The following ZNF526 variants were observed in gnomAD, a reference collection of about 807,000 sequenced individuals.
ZNF526 encodes the protein zinc finger protein 526.
A neutral mutation model predicts 32.4 loss-of-function variants in ZNF526; 16 were observed. The observed-to-expected ratio is 0.49, with a 90% confidence interval of 0.33 to 0.75. The LOEUF is 0.75. Among genes scored for constraint, ZNF526 ranks in the 30% least tolerant of loss-of-function variants. The probability of loss-of-function intolerance (pLI) is 0.02; values close to 1 mark genes in which losing one functional copy is unlikely to be tolerated. For missense variants in ZNF526, 838 were observed against 920.7 expected (o/e 0.91, Z 1.16); for synonymous variants, 355 against 363.4 (o/e 0.98, Z 0.26).
chr19:42,222,441 A>G (rs2036133796), intron 1 of ZNF526, among the ~76,000 whole-genome samples: 1 of 152,120 alleles, frequency 6.6e-6, no homozygotes, highest in Non-Finnish European at 1.5e-5. Flanking sequence ...GCCCTCTGGC[A>G]CTAATAGATT....
At position 42,225,186 on chromosome 19, in the gene ZNF526, T is replaced by C. The variant is rs2036162533; in HGVS notation, c.783T>C (p.Ala261=). 3.7e-6 allele frequency: 6 copies of C among 1,614,060 alleles called. No individual in the cohort carries two copies. The African/African-American group carries it at 5.3e-5, about 14-fold the overall frequency. ...CCATGGCAGAGGTCGGTGATGATGC[T>C]GTGGGAGGTGACGAGTCCACAGCTG... ...EEAMAEVGDD[A]VGGDESTAGW... The change falls in exon 3 of 3, where the codon GCT becomes GCC. Residue 261 remains alanine, a synonymous_variant. Transcript: ENST00000301215.
chr19:42,225,699 ACCACC>A lies in ZNF526; in HGVS notation c.1297_1301del (p.Pro433ThrfsTer35). The A allele has an allele frequency of 1.4e-6, 1 of 717,496 alleles. No homozygotes were observed. The highest frequency in any genetic ancestry group is 2.0e-6 in the Non-Finnish European group (1 of 497,300). 44.4% of individuals were successfully genotyped at this position (717,496 alleles called of 1,614,324 possible). A position where few individuals can be genotyped will look rare whatever the true frequency, so the allele number is the denominator to read the frequency against. The stretch of plus-strand genomic sequence containing the variant: ...CAGCTCCAGCGGAGCCCACCCCTCC[ACCACC>A]ACCCCCTGCCCCACCTGCCCAGCTG... On this transcript the variant is annotated frameshift_variant, in exon 3 of 3. Coordinates refer to ENST00000301215, the MANE Select transcript of ZNF526 (RefSeq NM_133444.3). LOFTEE classifies it high-confidence loss of function.
In ZNF526 at chr19:42,225,296, C is replaced by G; in HGVS notation, c.893C>G (p.Pro298Arg). 1 of 1,612,440 alleles carries G rather than the reference C, an allele frequency of 6.2e-7. No homozygotes were observed. Among genetic ancestry groups the G allele is most frequent in the Non-Finnish European group, 8.5e-7 (1 of 1,178,992 alleles). The part of the protein sequence containing the change: ...RRQHRRTAHS[P>R]ASATHPFHCS... ...CAACACCGGCGGACGGCTCACAGCC[C>G]GGCATCTGCCACCCACCCCTTCCAC... is the stretch of plus-strand genomic sequence containing the variant. The change falls in exon 3 of 3, where the codon CCG (proline) becomes CGG (arginine). Residue 298 changes from proline to arginine, a missense_variant. Coordinates refer to ENST00000301215, the MANE Select transcript of ZNF526 (RefSeq NM_133444.3).
rs1038667498 is a variant in ZNF526, at chr19:42,226,501, C to G, written c.*85C>G. 1.3e-6 allele frequency: 2 copies of G among 1,587,814 alleles called. No individual in the cohort carries two copies. The highest frequency in any genetic ancestry group is 1.7e-5 in the Admixed American group (1 of 59,682). ...GGGAGAGAGGACCTCCTCTGACAAACTGGTCTGGTACCCACCATGTGCCAG... is the reference window on the plus strand; with the variant it reads ...GGGAGAGAGGACCTCCTCTGACAAAGTGGTCTGGTACCCACCATGTGCCAG... On this transcript the variant is annotated 3_prime_UTR_variant, in exon 3 of 3. Transcript: ENST00000301215.
chr19:42,225,441 G>A lies in ZNF526; in HGVS notation c.1038G>A (p.Ser346=), dbSNP rs538983078. The A allele has an allele frequency of 3.2e-5, 52 of 1,614,040 alleles. No homozygotes were observed. Among genetic ancestry groups the A allele is most frequent in the South Asian group, 2.3e-4 (21 of 91,096 alleles). ...TCSKVFKKAA[S]LEQHLRLHRG... Reference sequence around the variant, plus strand: ...CCAAGGTCTTCAAGAAAGCAGCATCGCTTGAGCAGCACTTGCGGCTGCATC... The same window carrying A: ...CCAAGGTCTTCAAGAAAGCAGCATCACTTGAGCAGCACTTGCGGCTGCATC... The change falls in exon 3 of 3, where the codon TCG becomes TCA. Residue 346 remains serine (S), a synonymous_variant. Transcript: ENST00000301215.
Position 42,226,577 on chromosome 19 carries a change from A to G in ZNF526, c.*161A>G. On this transcript the variant is annotated 3_prime_UTR_variant, in exon 3 of 3. Coordinates refer to ENST00000301215, the MANE Select transcript of ZNF526 (RefSeq NM_133444.3). ...ACTGACTCCCCAGAACAACCCTTCC[A>G]GGCTTCTCTTGTCATCTTTCTCTGC... The G allele has an allele frequency of 1.1e-6, 1 of 903,916 alleles. No homozygotes were observed. Among genetic ancestry groups the G allele is most frequent in the Non-Finnish European group, 1.8e-6 (1 of 560,258 alleles). The allele number at this position is 903,916 out of a possible 1,614,324, so 56.0% of individuals were successfully genotyped here. A position where few individuals can be genotyped will look rare whatever the true frequency, so the allele number is the denominator to read the frequency against.
chr19:42,222,775 C>T (rs2036135744), intron 1 of ZNF526, among the ~76,000 whole-genome samples: 1 of 152,144 alleles, frequency 6.6e-6, no homozygotes, highest in Non-Finnish European at 1.5e-5. Flanking sequence ...GCACAGGATA[C>T]CATAGGAACC....
In ZNF526 at chr19:42,225,038, T is replaced by TCTTGGAGCATCAGGGCACCCA; in HGVS notation, c.639_659dup (p.Leu213_His219dup). On this transcript the variant is annotated inframe_insertion, in exon 3 of 3. Coordinates refer to ENST00000301215, the MANE Select transcript of ZNF526 (RefSeq NM_133444.3). ...ACCCTCTGCGCCACCCCTGAGGAGTTCTTGGAGCATCAGGGCACCCACTTT... is the reference window on the plus strand; with the variant it reads ...ACCCTCTGCGCCACCCCTGAGGAGTTCTTGGAGCATCAGGGCACCCACTTGGAGCATCAGGGCACCCACTTT... 1 of 1,614,090 alleles carries TCTTGGAGCATCAGGGCACCCA rather than the reference T, an allele frequency of 6.2e-7. No homozygotes were observed. Among genetic ancestry groups the TCTTGGAGCATCAGGGCACCCA allele is most frequent in the East Asian group, 2.2e-5 (1 of 44,886 alleles).
In ZNF526 at chr19:42,224,949, A is replaced by G. The variant is rs776381763; in HGVS notation, c.546A>G (p.Pro182=). The G allele has an allele frequency of 2.0e-5, 32 of 1,614,032 alleles. No homozygotes were observed. Among genetic ancestry groups the G allele is most frequent in the Non-Finnish European group, 2.7e-5 (32 of 1,179,986 alleles). Residue 182 remains proline (P), a synonymous_variant, in exon 3 of 3, where the codon CCA becomes CCG. Coordinates refer to ENST00000301215, the MANE Select transcript of ZNF526 (RefSeq NM_133444.3). ...PVPPPLPPPT[P]LPPPSPPSEV... Reference sequence around the variant, plus strand: ...CACCTCCTTTGCCTCCCCCAACACCACTGCCTCCACCTTCTCCCCCATCCG... The same window carrying G: ...CACCTCCTTTGCCTCCCCCAACACCGCTGCCTCCACCTTCTCCCCCATCCG...
chr19:42,224,089 C>T (rs1489509658), intron 1 of ZNF526, 126 bp from the exon 2 acceptor site: 4 of 352,740 alleles, frequency 1.1e-5, no homozygotes, highest in South Asian at 2.4e-5. Flanking sequence ...AACCCAGGAG[C>T]GAGAGGTTGC....
chr19:42,223,365 GGC>G lies in ZNF526; in HGVS notation c.-108-848_-108-847del, dbSNP rs1457625712. Among the ~76,000 whole-genome samples, 9 of 152,340 alleles carry G rather than the reference GGC, an allele frequency of 5.9e-5. No homozygotes were observed. In the East Asian group the frequency reaches 1.5e-3, roughly 26 times the overall value. ...CTACTAAAAATACAAAAATTGGCCG[GGC>G]GTGGTGGCTCATGCCTGTAATCCCA... is the stretch of plus-strand genomic sequence containing the variant. On this transcript the variant is annotated intron_variant, in intron 1 of 2. Transcript: ENST00000301215.
chr19:42,224,731 T>C lies in ZNF526; in HGVS notation c.328T>C (p.Cys110Arg). Residue 110 changes from cysteine to arginine, a missense_variant, in exon 3 of 3, where the codon TGT becomes CGT. By Grantham distance (180) the Cys-to-Arg change is radical. Transcript: ENST00000301215. ...GCCGGGTGCTGAGGGGCCCTTCCAG[T>C]GTGGTGAATGCAGCCAGCTCATCCT... Reference protein sequence around the residue: ...LVPGAEGPFQCGECSQLILSP... With the variant: ...LVPGAEGPFQRGECSQLILSP... The C allele has an allele frequency of 6.2e-7, 1 of 1,613,930 alleles. No homozygotes were observed.
Position 42,224,737 on chromosome 19 carries a change from G to C in ZNF526, c.334G>C (p.Glu112Gln), listed in dbSNP as rs767597116. The C allele has an allele frequency of 6.2e-7, 1 of 1,614,100 alleles. No individual in the cohort carries two copies. The highest frequency in any genetic ancestry group is 8.5e-7 in the Non-Finnish European group (1 of 1,180,008). The change falls in exon 3 of 3, where the codon GAA (glutamate) becomes CAA (glutamine). Residue 112 changes from glutamate to glutamine, a missense_variant. Coordinates refer to ENST00000301215, the MANE Select transcript of ZNF526 (RefSeq NM_133444.3). ...TGCTGAGGGGCCCTTCCAGTGTGGT[G>C]AATGCAGCCAGCTCATCCTCTCCCC... ...PGAEGPFQCGECSQLILSPGE... is the reference protein window; with the variant it reads ...PGAEGPFQCGQCSQLILSPGE...
At position 42,225,718 on chromosome 19, in the gene ZNF526, CCTGCCCAG is replaced by C; in HGVS notation, c.1322_1329del (p.Gln441LeufsTer26). On this transcript the variant is annotated frameshift_variant, in exon 3 of 3. Transcript: ENST00000301215. LOFTEE classifies it high-confidence loss of function. The stretch of plus-strand genomic sequence containing the variant: ...CCCTCCACCACCACCCCCTGCCCCA[CCTGCCCAG>C]CTGCCCTGCCCACAGTGCTCCAAGT... 6.2e-7 allele frequency: 1 copy of C among 1,612,510 alleles called. No homozygotes were observed. Among genetic ancestry groups the C allele is most frequent in the Non-Finnish European group, 8.5e-7 (1 of 1,179,592 alleles).
intron 1 of ZNF526, among the ~76,000 whole-genome samples, chr19:42,223,495 G>T (rs1208909223): frequency 6.6e-6 from 1 of 152,156 alleles, no homozygotes; most frequent in Admixed American, 6.5e-5. Flanking sequence ...CAAAAAATTA[G>T]CCGGGCGTGG....
In ZNF526 at chr19:42,226,272, CAT is replaced by C. The variant is rs770757353; in HGVS notation, c.1870_1871del (p.Met624ValfsTer12). 8.1e-6 allele frequency: 13 copies of C among 1,613,968 alleles called. No individual in the cohort carries two copies. The highest frequency in any genetic ancestry group is 1.1e-5 in the South Asian group (1 of 91,096). Reference sequence around the variant, plus strand: ...CACCTCCAGAGCCTCAACAGACTATCATGTGCACAGAGCTGGGGGAGACCATC... The same window carrying C: ...CACCTCCAGAGCCTCAACAGACTATCGTGCACAGAGCTGGGGGAGACCATC... ...PPPPEPQQTI[M>X]CTELGETIAI... On this transcript the variant is annotated frameshift_variant, in exon 3 of 3. Coordinates refer to ENST00000301215, the MANE Select transcript of ZNF526 (RefSeq NM_133444.3). LOFTEE classifies it high-confidence loss of function.
At chr19:42,224,163 GAAAAAA>G in intron 1 of ZNF526, 46 bp from the exon 2 acceptor site, 17 of 348,504 alleles carry the variant, frequency 4.9e-5, no homozygotes, top group South Asian at 1.4e-4. Flanking sequence ...TGTCTCAGAA[GAAAAAA>G]AAAAAAAAAA....
At chr19:42,221,186 G>T (rs2036119206) in intron 1 of ZNF526, among the ~76,000 whole-genome samples, 1 of 152,186 alleles carries the variant, frequency 6.6e-6, no homozygotes, top group Non-Finnish European at 1.5e-5. Context: ...GAAATGGACT[G>T]TGCATAGGGA....
chr19:42,222,169 C>G (rs2036131809), intron 1 of ZNF526, among the ~76,000 whole-genome samples: 1 of 151,838 alleles, frequency 6.6e-6, no homozygotes, highest in South Asian at 2.1e-4. Flanking sequence ...TCACTGCAAC[C>G]TCCGCCTCCC....
Sources: gnomAD v4.1 joint callset for allele counts (sites outside exome capture counted in the v4.1 genomes callset) on GRCh38, gnomAD v4.1.1 for gene constraint, MANE v1.5 for transcripts, NCBI Gene and HGNC (gene_info 2026-07-23, HGNC 2026-07-21) for gene names.